Variants in NOD1 observed in about 807,000 individuals in gnomAD.
NOD1 encodes nucleotide-binding oligomerization domain-containing protein 1.
A neutral mutation model predicts 81.2 loss-of-function variants in NOD1; 70 were observed. The observed-to-expected ratio is 0.86, with a 90% CI of 0.71 to 1.05. NOD1 has a LOEUF of 1.05. Among genes scored for constraint, NOD1 ranks in the 50% least tolerant of loss-of-function variants. The pLI, the probability that NOD1 is intolerant of heterozygous loss-of-function variation, is 0.00. For synonymous variants in NOD1, 508 were observed against 526.9 expected (o/e 0.96, Z 0.49); for missense variants, 1,233 against 1,228.0 (o/e 1.00, Z -0.06).
intron 1 of NOD1, among the ~76,000 whole-genome samples, chr7:30,466,968 C>A (rs1340978505): frequency 6.6e-6 from 1 of 152,174 alleles, no homozygotes; most frequent in African/African-American, 2.4e-5. Flanking sequence ...CACTCCACCC[C>A]TCACTTGGCT....
At chr7:30,469,102 A>G (rs1385176047) in intron 1 of NOD1, 3 of 985,298 alleles carry the variant, frequency 3.0e-6, no homozygotes, top group African/African-American at 3.5e-5. Context: ...ATCCACAACA[A>G]TCTGTGTTCT....
intron 1 of NOD1, chr7:30,460,436 G>A (rs1786916047): frequency 2.0e-6 from 2 of 985,400 alleles, no homozygotes; most frequent in Admixed American, 1.2e-4. Flanking sequence ...CTGGGGCCAG[G>A]TATCTGGGAG....
In NOD1 at chr7:30,446,788, G is replaced by A. The variant is rs184762319; in HGVS notation, c.2369+179C>T. 6.8e-4 allele frequency: 386 copies of A among 571,500 alleles called. 2 individuals are homozygous for A. Among genetic ancestry groups the A allele is most frequent in the Middle Eastern group, 2.5e-3 (7 of 2,834 alleles). The allele number at this position is 571,500 out of a possible 1,614,324, so 35.4% of individuals were successfully genotyped here. On this transcript the variant is annotated intron_variant, in intron 8 of 13. Coordinates refer to ENST00000222823, the MANE Select transcript of NOD1 (RefSeq NM_006092.4). ...CCTTTCCCCCTACCAATAACGGGAG[G>A]CCCTTCCAGAATCCAAGCCTCACAG...
At chr7:30,455,569 T>C (rs895820229) in intron 4 of NOD1, among the ~76,000 whole-genome samples, 1 of 149,972 alleles carries the variant, frequency 6.7e-6, no homozygotes, top group Non-Finnish European at 1.5e-5. Context: ...GACAGACAAA[T>C]AGCCATGGAC....
At chr7:30,429,297 C>T (rs984316915) in intron 13 of NOD1, 77 bp downstream of exon 13, 30 of 1,236,236 alleles carry the variant, frequency 2.4e-5, no homozygotes, top group African/African-American at 1.9e-4. Context: ...AACCACCCTG[C>T]GTTGTGCCTT....
At chr7:30,428,636 ATGAGGAGCCTG>A (rs959818870) in intron 13 of NOD1, 4 of 152,188 alleles carry the variant, frequency 2.6e-5, no homozygotes, top group Non-Finnish European at 5.9e-5. Context: ...AAAACACTGT[ATGAGGAGCCTG>A]TGTTGGCCAA....
chr7:30,476,290 T>C lies in NOD1; in HGVS notation c.-352+2316A>G, dbSNP rs540504924. 7.2e-5 allele frequency among the ~76,000 whole-genome samples: 11 copies of C among 152,366 alleles called. No homozygotes were observed. The South Asian group carries it at 2.3e-3, about 32-fold the overall frequency. Reference sequence around the variant, plus strand: ...ACACTAGAAAAACACTTGATCTTTATGCCTATATTACTTACTGTTTCTATT... The same window carrying C: ...ACACTAGAAAAACACTTGATCTTTACGCCTATATTACTTACTGTTTCTATT... On this transcript the variant is annotated intron_variant, in intron 1 of 13. Transcript: ENST00000222823.
chr7:30,453,128 C>T (rs191649596), intron 5 of NOD1, 88 bp from the exon 6 acceptor site: 26 of 1,432,632 alleles, frequency 1.8e-5, no homozygotes, highest in South Asian at 1.8e-4. Flanking sequence ...AGAGGAGAGG[C>T]GAGTGCATAA....
At chr7:30,456,281 G>A (rs1028280191) in intron 4 of NOD1, among the ~76,000 whole-genome samples, 6 of 152,196 alleles carry the variant, frequency 3.9e-5, no homozygotes, top group Non-Finnish European at 7.4e-5. Flanking sequence ...CAGTGGAGCG[G>A]GGAAGATTCT....
chr7:30,439,474 C>T (rs1157529052), intron 9 of NOD1, among the ~76,000 whole-genome samples: 2 of 138,528 alleles, frequency 1.4e-5, no homozygotes, highest in Non-Finnish European at 3.0e-5. Flanking sequence ...GTTCCCTTTC[C>T]GAGTCAAAGA....
At chr7:30,458,874 C>G (rs924510225) in intron 3 of NOD1, among the ~76,000 whole-genome samples, 1 of 151,868 alleles carries the variant, frequency 6.6e-6, no homozygotes, top group Non-Finnish European at 1.5e-5. Flanking sequence ...GTAGCTAGAA[C>G]TACAGGCGGG....
intron 6 of NOD1, among the ~76,000 whole-genome samples, chr7:30,449,997 A>C (rs1785517634): frequency 2.0e-5 from 3 of 152,246 alleles, no homozygotes; most frequent in Admixed American, 1.3e-4. Flanking sequence ...TTTCAAGACC[A>C]GCCTGGCCAA....
chr7:30,437,041 A>G (rs1784437849), intron 10 of NOD1, among the ~76,000 whole-genome samples: 1 of 152,206 alleles, frequency 6.6e-6, no homozygotes. Context: ...ATACTATGCA[A>G]CCATAAAAAA....
intron 1 of NOD1, chr7:30,475,908 T>C (rs1240728855): frequency 6.6e-6 from 1 of 152,206 alleles, no homozygotes; most frequent in South Asian, 2.1e-4. Flanking sequence ...TTTGATGCGC[T>C]AAAGAGTTTT....
Position 30,446,325 on chromosome 7 carries a change from G to A in NOD1, c.2370-101C>T, listed in dbSNP as rs1041336114. On this transcript the variant is annotated intron_variant, in intron 8 of 13. Transcript: ENST00000222823. ...AGAGCCCCTTCCAGCCCCATCTTGG[G>A]AACCGTACACTTTCTTCTGGGATCC... is the stretch of plus-strand genomic sequence containing the variant. 8 of 878,352 alleles carry A rather than the reference G, an allele frequency of 9.1e-6. No individual in the cohort carries two copies. In the Admixed American group the frequency reaches 1.4e-4, roughly 15 times the overall value. The allele number at this position is 878,352 out of a possible 1,614,324, so 54.4% of individuals were successfully genotyped here. A position where few individuals can be genotyped will look rare whatever the true frequency, so the allele number is the denominator to read the frequency against.
chr7:30,428,767 C>G (rs1427741907), intron 13 of NOD1, among the ~76,000 whole-genome samples: 1 of 152,090 alleles, frequency 6.6e-6, no homozygotes, highest in Non-Finnish European at 1.5e-5. Context: ...CCCACGTCAC[C>G]CAGGCAATTA....
chr7:30,462,948 C>CAA (rs11313806), intron 1 of NOD1, among the ~76,000 whole-genome samples: 4,223 of 101,184 alleles, frequency 0.042, 103 homozygotes, highest in Non-Finnish European at 0.056. Context: ...GACTCCATCT[C>CAA]AAAAAAAAAA....
chr7:30,439,537 G>A (rs554936163), intron 9 of NOD1, among the ~76,000 whole-genome samples: 26 of 109,038 alleles, frequency 2.4e-4, no homozygotes, highest in Non-Finnish European at 4.1e-4. Flanking sequence ...CGAATATTGC[G>A]CTTTTCAGAC....
At position 30,451,769 on chromosome 7, in the gene NOD1, G is replaced by C. The variant is rs768245372; in HGVS notation, c.1648C>G (p.Pro550Ala). ...LLRFFQEWMP[P>A]AGAATTSCYP... The stretch of plus-strand genomic sequence containing the variant: ...CAGGACGTGGTCGCTGCCCCCGCAG[G>C]GGGCATCCACTCCTGGAAGAACCTG... The change falls in exon 6 of 14, where the codon CCT becomes GCT. Residue 550 changes from proline (P) to alanine (A), a missense_variant. Pro to Ala is a conservative substitution (Grantham distance 27). Transcript: ENST00000222823. This position sits in a 1 kb window ranked among gnomAD's most constrained non-coding sequence, Gnocchi z 4.2. The C allele has an allele frequency of 8.7e-6, 14 of 1,613,790 alleles. No homozygotes were observed. Among genetic ancestry groups the C allele is most frequent in the Non-Finnish European group, 1.0e-5 (12 of 1,180,012 alleles).
Sources: gnomAD v4.1 joint callset for allele counts (sites outside exome capture counted in the v4.1 genomes callset) on GRCh38, gnomAD v4.1.1 for gene constraint, Gnocchi (gnomAD v3.1) non-coding constraint, MANE v1.5 for transcripts, NCBI Gene and HGNC (gene_info 2026-07-23, HGNC 2026-07-21) for gene names.